The following D2HGDH variants were observed in gnomAD, a reference collection of about 807,000 sequenced individuals.
The protein encoded by D2HGDH is D-2-hydroxyglutarate dehydrogenase, also known as D-2-hydroxyglutarate dehydrogenase, mitochondrial.
A neutral mutation model predicts 46.9 loss-of-function variants in D2HGDH; 31 were observed. The observed-to-expected ratio is 0.66, with a 90% CI of 0.50 to 0.89. The LOEUF is 0.89. Ranked by LOEUF, D2HGDH falls within the 40% of genes least tolerant of loss-of-function variation. The pLI is 0.00. For synonymous variants in D2HGDH, 364 were observed against 332.6 expected, an observed-to-expected ratio of 1.09 and a Z score of -1.03; for missense variants, 698 against 720.8, an observed-to-expected ratio of 0.97 and a Z score of 0.36.
intron 9 of D2HGDH, among the ~76,000 whole-genome samples, chr2:241,762,016 CG>C (rs1698868536): frequency 6.6e-6 from 1 of 150,384 alleles, no homozygotes; most frequent in Non-Finnish European, 1.5e-5. Flanking sequence ...CAGTTCCCTT[CG>C]GGGGAATGGA....
At chr2:241,736,656 A>G (rs147051107) in intron 2 of D2HGDH, among the ~76,000 whole-genome samples, 1,911 of 150,774 alleles carry the variant, frequency 0.013, 33 homozygotes, top group African/African-American at 0.044. Context: ...TTACATCTGC[A>G]AAGACCGTTT....
At position 241,743,669 on chromosome 2, in the gene D2HGDH, T is replaced by C. The variant is rs1290935357; in HGVS notation, c.538T>C (p.Tyr180His). ...CTGCGTCCTGGAGGAGCTGAGCCGG[T>C]ATGTGGAGGAACGGGACTTCATCAT... ...AGCVLEELSR[Y>H]VEERDFIMPL... Residue 180 changes from tyrosine to histidine, a missense_variant, in exon 5 of 10, where the codon TAT (tyrosine) becomes CAT (histidine). Transcript: ENST00000321264. The surrounding 1 kb of genome is among the most constrained non-coding windows in gnomAD (Gnocchi z 4.8). 1 of 1,613,930 alleles carries C rather than the reference T, an allele frequency of 6.2e-7. No individual in the cohort carries two copies. Among genetic ancestry groups the C allele is most frequent in the Admixed American group, 1.7e-5 (1 of 60,016 alleles).
intron 6 of D2HGDH, among the ~76,000 whole-genome samples, chr2:241,745,124 A>G (rs1426795428): frequency 6.6e-6 from 1 of 152,210 alleles, no homozygotes; most frequent in East Asian, 1.9e-4. Context: ...TTCATTTCAT[A>G]AGAAAACAGG....
intron 5 of D2HGDH, among the ~76,000 whole-genome samples, chr2:241,744,340 G>A (rs1011556203): frequency 6.6e-6 from 1 of 152,204 alleles, no homozygotes; most frequent in Non-Finnish European, 1.5e-5. Flanking sequence ...TATCTTTATT[G>A]TAAATTACTT....
chr2:241,738,452 C>T lies in D2HGDH; in HGVS notation c.293-2581C>T, dbSNP rs147093842. Among the ~76,000 whole-genome samples the T allele has an allele frequency of 5.1e-3, 773 of 152,362 alleles. 8 individuals carry two copies. The highest frequency in any genetic ancestry group is 0.018 in the African/African-American group (751 of 41,570). On this transcript the variant is annotated intron_variant, in intron 2 of 9. Coordinates refer to ENST00000321264, the MANE Select transcript of D2HGDH (RefSeq NM_152783.5). ...AGGAACCTAGCGTGAGCCTTGAGCA[C>T]AATGCTTGGGTTCCCGTGCTCCCAG...
At chr2:241,744,075 C>T (rs907284763) in intron 5 of D2HGDH, among the ~76,000 whole-genome samples, 4 of 152,196 alleles carry the variant, frequency 2.6e-5, no homozygotes, top group African/African-American at 9.7e-5. Context: ...TTACAGGGGA[C>T]ACCGCCCCGG....
chr2:241,735,181 G>C lies in D2HGDH; in HGVS notation c.-44G>C. On this transcript the variant is annotated 5_prime_UTR_variant, in exon 2 of 10. Transcript: ENST00000321264. ...CCTTCCCCTCCGGGCCCTGAGTACC[G>C]GCCCCCCACCAAGGAGGAGCCCGAG... The C allele has an allele frequency of 6.8e-7, 1 of 1,481,350 alleles. No homozygotes were observed. Among genetic ancestry groups the C allele is most frequent in the South Asian group, 1.3e-5 (1 of 77,052 alleles). The allele number at this position is 1,481,350 out of a possible 1,614,324, so 91.8% of individuals were successfully genotyped here.
At chr2:241,744,290 A>G (rs1036464486) in intron 5 of D2HGDH, among the ~76,000 whole-genome samples, 1 of 152,228 alleles carries the variant, frequency 6.6e-6, no homozygotes, top group Non-Finnish European at 1.5e-5. Context: ...CCAGTAAATT[A>G]TGACGCTTCA....
chr2:241,752,520 G>A (rs1002280350), intron 8 of D2HGDH, among the ~76,000 whole-genome samples: 5 of 152,088 alleles, frequency 3.3e-5, no homozygotes, highest in African/African-American at 7.2e-5. Flanking sequence ...CTCGCGTTCC[G>A]TGTGGGTGAT....
intron 9 of D2HGDH, among the ~76,000 whole-genome samples, chr2:241,758,764 A>AGT (rs1261460670): frequency 4.7e-4 from 55 of 117,524 alleles, no homozygotes; most frequent in African/African-American, 1.4e-3. Context: ...CCCGCCCCAC[A>AGT]ATATATGTGT....
At position 241,754,070 on chromosome 2, in the gene D2HGDH, A is replaced by G. The variant is rs564182434; in HGVS notation, c.1141-1779A>G. Among the ~76,000 whole-genome samples, 18 of 152,350 alleles carry G rather than the reference A, an allele frequency of 1.2e-4. No individual in the cohort carries two copies. In the South Asian group the frequency reaches 3.5e-3, roughly 30 times the overall value. ...AGACCCTGAGGGGCGCGTGCCTGCCATGTTCTAGAACCTTCCAGAGATGGT... is the reference window on the plus strand; with the variant it reads ...AGACCCTGAGGGGCGCGTGCCTGCCGTGTTCTAGAACCTTCCAGAGATGGT... On this transcript the variant is annotated intron_variant, in intron 8 of 9. Coordinates refer to ENST00000321264, the MANE Select transcript of D2HGDH (RefSeq NM_152783.5).
At chr2:241,737,055 G>A (rs992611958) in intron 2 of D2HGDH, among the ~76,000 whole-genome samples, 15 of 151,674 alleles carry the variant, frequency 9.9e-5, no homozygotes, top group Non-Finnish European at 1.6e-4. Flanking sequence ...TGCAAGCTCC[G>A]CCTCCTGGCT....
In D2HGDH at chr2:241,749,017, G is replaced by A. The variant is rs1696602086; in HGVS notation, c.854-1134G>A. ...CGGGTGGAACAGGCCCTGTGAGGAT[G>A]GTCCTGGTGTCCCTCGTGCTCGTGG... On this transcript the variant is annotated intron_variant, in intron 6 of 9. Coordinates refer to ENST00000321264, the MANE Select transcript of D2HGDH (RefSeq NM_152783.5). 4 of 1,014,102 alleles carry A rather than the reference G, an allele frequency of 3.9e-6. No individual in the cohort carries two copies. In the Admixed American group the frequency reaches 2.5e-4, roughly 64 times the overall value. The allele number at this position is 1,014,102 out of a possible 1,614,324, so 62.8% of individuals were successfully genotyped here.
chr2:241,747,546 G>GTT (rs760885558), intron 6 of D2HGDH, among the ~76,000 whole-genome samples: 25,265 of 136,528 alleles, frequency 0.19, 3,047 homozygotes, highest in African/African-American at 0.31. Flanking sequence ...TCAGGAGAGT[G>GTT]TTTTTTTTTT....
chr2:241,751,505 T>A, intron 8 of D2HGDH, 117 bp downstream of exon 8: 1 of 1,473,836 alleles, frequency 6.8e-7, no homozygotes, highest in Non-Finnish European at 9.2e-7. Flanking sequence ...GGCTGAAATG[T>A]GACTGGGTTT....
At chr2:241,746,117 A>C (rs140856552) in intron 6 of D2HGDH, among the ~76,000 whole-genome samples, 2 of 152,234 alleles carry the variant, frequency 1.3e-5, no homozygotes, top group African/African-American at 4.8e-5. Context: ...ATTCTTAGCC[A>C]TTATTGCTTC....
At chr2:241,754,141 C>G (rs1293317600) in intron 8 of D2HGDH, among the ~76,000 whole-genome samples, 1 of 152,228 alleles carries the variant, frequency 6.6e-6, no homozygotes, top group Non-Finnish European at 1.5e-5. Flanking sequence ...AAGGGTAGAG[C>G]CCATCTTGTG....
Position 241,763,596 on chromosome 2 carries a change from C to G in D2HGDH, c.1307-4114C>G, listed in dbSNP as rs553172991. On this transcript the variant is annotated intron_variant, in intron 9 of 9. Coordinates refer to ENST00000321264, the MANE Select transcript of D2HGDH (RefSeq NM_152783.5). ...TGAGGCCACACTAAACTGATATTAA[C>G]AAGTAATTGTGCTACAACATGGTGA... 2.0e-5 allele frequency among the ~76,000 whole-genome samples: 3 copies of G among 152,208 alleles called. No individual in the cohort carries two copies. The East Asian group carries it at 5.8e-4, about 29-fold the overall frequency.
chr2:241,744,254 AAC>A (rs1462826203), intron 5 of D2HGDH, among the ~76,000 whole-genome samples: 1 of 152,224 alleles, frequency 6.6e-6, no homozygotes, highest in Admixed American at 6.5e-5. Context: ...GGACGAAGCA[AAC>A]ACAAAACCAT....
Sources: allele counts gnomAD v4.1 joint callset (sites outside exome capture counted in the v4.1 genomes callset), GRCh38; gene constraint gnomAD v4.1.1; non-coding constraint Gnocchi (gnomAD v3.1); transcripts MANE v1.5; gene names NCBI Gene and HGNC (gene_info 2026-07-23, HGNC 2026-07-21).